Variants in TSNARE1 observed in about 807,000 individuals in gnomAD.
TSNARE1 encodes the protein t-SNARE domain containing 1.
A neutral mutation model predicts 62.0 loss-of-function variants in TSNARE1; 49 were observed. The observed-to-expected ratio is 0.79, with a 90% CI of 0.63 to 1.00. The LOEUF (loss-of-function observed/expected upper bound fraction) is 1.00, where lower values mean the gene tolerates loss of function less well. Ranked by LOEUF, TSNARE1 falls within the 50% of genes least tolerant of loss-of-function variation. The probability of loss-of-function intolerance (pLI) is 0.00; values close to 1 mark genes in which losing one functional copy is unlikely to be tolerated. For missense variants in TSNARE1, 755 were observed against 700.1 expected, an observed-to-expected ratio of 1.08 and a Z score of -0.88; for synonymous variants, 328 against 294.4, an observed-to-expected ratio of 1.11 and a Z score of -1.17.
rs532627645 is a variant in TSNARE1, at chr8:142,300,631, G to C, written c.1145C>G (p.Pro382Arg). The C allele has an allele frequency of 6.2e-7, 1 of 1,613,206 alleles. No individual in the cohort carries two copies. Among genetic ancestry groups the C allele is most frequent in the East Asian group, 2.2e-5 (1 of 44,872 alleles). ...QRGSKQSPQA[P>R]FAELADDEKV... is the part of the protein sequence containing the mutation. ...CTCATCATCAGCCAGCTCGGCAAAC[G>C]GGGCCTGGGGACTCTGCTGATGACA... is the stretch of plus-strand genomic sequence containing the variant. The change falls in exon 10 of 14, where the codon CCG becomes CGG. Residue 382 changes from proline (P) to arginine (R), a missense_variant. By Grantham distance (103) the Pro-to-Arg change is moderately radical. Coordinates refer to ENST00000524325, the MANE Select transcript of TSNARE1 (RefSeq NM_145003.5).
intron 11 of TSNARE1, chr8:142,278,614 A>G: frequency 1.0e-6 from 1 of 985,450 alleles, no homozygotes; most frequent in South Asian, 4.7e-5. Flanking sequence ...GCACGGAGCC[A>G]GCATCACCCT....
chr8:142,373,080 G>A (rs138531110), intron 1 of TSNARE1, among the ~76,000 whole-genome samples: 1 of 152,314 alleles, frequency 6.6e-6, no homozygotes, highest in Non-Finnish European at 1.5e-5. Flanking sequence ...AGACCCCTGA[G>A]TGGGTCTCTC....
chr8:142,308,784 T>TCA (rs138425659), intron 9 of TSNARE1, among the ~76,000 whole-genome samples: 17 of 151,942 alleles, frequency 1.1e-4, no homozygotes, highest in East Asian at 5.8e-4. Context: ...GCTTGACAGT[T>TCA]CACACACACA....
chr8:142,403,269 C>T (rs1838445468), upstream of TSNARE1: 1 of 151,706 alleles, frequency 6.6e-6, no homozygotes, highest in Non-Finnish European at 1.5e-5. Flanking sequence ...GACTACCCGC[C>T]CCAGAGGCCC....
chr8:142,274,135 T>G (rs1484148029), intron 12 of TSNARE1: 1 of 985,318 alleles, frequency 1.0e-6, no homozygotes, highest in Non-Finnish European at 1.2e-6. Context: ...GAACAGGCTC[T>G]GGTCATCTCT....
Position 142,270,481 on chromosome 8 carries a change from CATATAT to C in TSNARE1, c.1446+4294_1446+4299del, listed in dbSNP as rs67801065. The stretch of plus-strand genomic sequence containing the variant: ...CATACAGTACCAAGTAATATATAGG[CATATAT>C]ATATATATATATATATTTATGTATT... On this transcript the variant is annotated intron_variant, in intron 12 of 13. Coordinates refer to ENST00000524325, the MANE Select transcript of TSNARE1 (RefSeq NM_145003.5). The C allele has an allele frequency of 2.7e-4, 223 of 816,044 alleles. 2 individuals carry two copies. Among genetic ancestry groups the C allele is most frequent in the Middle Eastern group, 6.5e-4 (1 of 1,534 alleles). 50.6% of individuals were successfully genotyped at this position (816,044 alleles called of 1,614,324 possible). A position where few individuals can be genotyped will look rare whatever the true frequency, so the allele number is the denominator to read the frequency against.
intron 11 of TSNARE1, chr8:142,280,372 G>A: frequency 1.0e-6 from 1 of 975,376 alleles, no homozygotes; most frequent in Non-Finnish European, 1.2e-6. Context: ...CCTGGGGAGA[G>A]CAGCCAGGTT....
chr8:142,389,163 C>G (rs1291028329), intron 1 of TSNARE1, among the ~76,000 whole-genome samples: 1 of 152,146 alleles, frequency 6.6e-6, no homozygotes, highest in East Asian at 1.9e-4. Flanking sequence ...AGGACAGTCT[C>G]TCAATAAATG....
chr8:142,236,382 G>A lies in TSNARE1; in HGVS notation c.1447-6803C>T, dbSNP rs142141818. 5.0e-3 allele frequency among the ~76,000 whole-genome samples: 759 copies of A among 152,074 alleles called. 5 individuals carry two copies. Among genetic ancestry groups the A allele is most frequent in the South Asian group, 0.018 (85 of 4,810 alleles). On this transcript the variant is annotated intron_variant, in intron 12 of 13. Transcript: ENST00000524325. Reference sequence around the variant, plus strand: ...AGAGCCTGGCCAGGGCTGAGCCCAGGACTGGGACTCTCACCCGAGGTGGCG... The same window carrying A: ...AGAGCCTGGCCAGGGCTGAGCCCAGAACTGGGACTCTCACCCGAGGTGGCG...
At chr8:142,234,538 C>T (rs752635884) in intron 12 of TSNARE1, among the ~76,000 whole-genome samples, 1 of 152,180 alleles carries the variant, frequency 6.6e-6, no homozygotes, top group African/African-American at 2.4e-5. Context: ...CTCAAGATGG[C>T]GCCATGACCC....
At position 142,314,403 on chromosome 8, in the gene TSNARE1, G is replaced by A. The variant is rs373787442; in HGVS notation, c.1112C>T (p.Ala371Val). 6.8e-5 allele frequency: 109 copies of A among 1,613,830 alleles called. No individual in the cohort carries two copies. Among genetic ancestry groups the A allele is most frequent in the Middle Eastern group, 1.6e-4 (1 of 6,072 alleles). Residue 371 changes from alanine to valine, a missense_variant, in exon 9 of 14, where the codon GCG becomes GTG. Coordinates refer to ENST00000524325, the MANE Select transcript of TSNARE1 (RefSeq NM_145003.5). ...AEKSRALLPM[A>V]QRGSKQSPQA... ...ACCCACCTGTTTACTGCCCCTCTGCGCCATGGGAAGCAGCGCTCTGGACTT... is the reference window on the plus strand; with the variant it reads ...ACCCACCTGTTTACTGCCCCTCTGCACCATGGGAAGCAGCGCTCTGGACTT...
intron 5 of TSNARE1, among the ~76,000 whole-genome samples, chr8:142,331,329 T>C (rs1468473007): frequency 1.3e-5 from 2 of 152,222 alleles, no homozygotes; most frequent in African/African-American, 2.4e-5. Context: ...CTCTCATCCC[T>C]GCTCTCAGTC....
In TSNARE1 at chr8:142,221,936, TTCAC is replaced by T. The variant is rs1234538244; in HGVS notation, c.*11+7533_*11+7536del. Reference sequence around the variant, plus strand: ...ACTCATTCACTCACTCATCCACTCATTCACTCACTCACTCATCCACTCACTCATC... The same window carrying T: ...ACTCATTCACTCACTCATCCACTCATTCACTCACTCATCCACTCACTCATC... On this transcript the variant is annotated intron_variant, in intron 13 of 13. Transcript: ENST00000524325. Among the ~76,000 whole-genome samples the T allele has an allele frequency of 3.5e-4, 29 of 82,532 alleles. 1 individual carries two copies. Among genetic ancestry groups the T allele is most frequent in the Admixed American group, 3.2e-3 (28 of 8,870 alleles). The allele number at this position is 82,532 out of a possible 152,430, so 54.1% of individuals were successfully genotyped here.
At chr8:142,370,004 T>A (rs970199502) in intron 1 of TSNARE1, among the ~76,000 whole-genome samples, 1 of 152,024 alleles carries the variant, frequency 6.6e-6, no homozygotes, top group African/African-American at 2.4e-5. Context: ...TAGGAGGTAA[T>A]GAGATCATGG....
At chr8:142,270,952 C>T (rs556713840) in intron 12 of TSNARE1, 27 of 985,416 alleles carry the variant, frequency 2.7e-5, no homozygotes, top group African/African-American at 1.4e-4. Flanking sequence ...CTCATCCTTC[C>T]GGTCTCCTGG....
intron 12 of TSNARE1, chr8:142,270,288 G>A: frequency 1.0e-6 from 1 of 985,424 alleles, no homozygotes; most frequent in Non-Finnish European, 1.2e-6. Flanking sequence ...AAGTGCCCAG[G>A]CCCCCGCAGG....
chr8:142,350,102 CA>C (rs1833906883), intron 2 of TSNARE1, among the ~76,000 whole-genome samples: 1 of 103,152 alleles, frequency 9.7e-6, no homozygotes. Context: ...GCAGGCAGGG[CA>C]GGCAGGGCAG....
chr8:142,361,058 G>A (rs1263020710), intron 1 of TSNARE1, among the ~76,000 whole-genome samples: 2 of 152,224 alleles, frequency 1.3e-5, no homozygotes, highest in Non-Finnish European at 2.9e-5. Flanking sequence ...TGGCTTGAGA[G>A]CAGGTCGCCC....
chr8:142,258,219 C>T (rs1264893080), intron 12 of TSNARE1, among the ~76,000 whole-genome samples: 1 of 152,176 alleles, frequency 6.6e-6, no homozygotes, highest in East Asian at 1.9e-4. Flanking sequence ...ATAAGCTGTG[C>T]ACATATACAG....
Sources: allele counts gnomAD v4.1 joint callset (sites outside exome capture counted in the v4.1 genomes callset), GRCh38; gene constraint gnomAD v4.1.1; transcripts MANE v1.5; gene names NCBI Gene and HGNC (gene_info 2026-07-23, HGNC 2026-07-21).